Variants in SELENOI observed in about 807,000 individuals in gnomAD.
SELENOI encodes ethanolaminephosphotransferase 1.
Under a neutral mutation model 50.7 loss-of-function variants are expected in SELENOI, and 24 were observed. The observed-to-expected ratio is 0.47, with a 90% CI of 0.34 to 0.67. The LOEUF (loss-of-function observed/expected upper bound fraction) is 0.67, where lower values mean the gene tolerates loss of function less well. SELENOI is among the 30% of genes least tolerant of loss of function. The pLI, the probability that SELENOI is intolerant of heterozygous loss-of-function variation, is 0.01. For synonymous variants in SELENOI, 155 were observed against 170.2 expected (o/e 0.91, Z 0.70); for missense variants, 352 against 461.4 (o/e 0.76, Z 2.17).
intron 4 of SELENOI, among the ~76,000 whole-genome samples, chr2:26,372,573 G>A (rs1244940837): frequency 1.3e-5 from 2 of 152,170 alleles, no homozygotes; most frequent in African/African-American, 4.8e-5. Flanking sequence ...AATTATGGAG[G>A]CAGTAGGTCT....
Position 26,395,858 on chromosome 2 carries a change from TAA to T in SELENOI, c.*6758_*6759del, listed in dbSNP as rs905278734. 6.5e-6 allele frequency: 1 copy of T among 152,676 alleles called. No individual in the cohort carries two copies. The allele number at this position is 152,676 out of a possible 1,614,324, so 9.5% of individuals were successfully genotyped here. On this transcript the variant is annotated 3_prime_UTR_variant, in exon 10 of 10. Coordinates refer to ENST00000260585, the MANE Select transcript of SELENOI (RefSeq NM_033505.4). ...TGATAATTATTTATTGTAATAAAAG[TAA>T]AAGAGTAATTTTTAAATCCTTTTAA... is the stretch of plus-strand genomic sequence containing the variant.
At chr2:26,353,368 T>C (rs1189033924) in intron 1 of SELENOI, among the ~76,000 whole-genome samples, 1 of 152,192 alleles carries the variant, frequency 6.6e-6, no homozygotes, top group Non-Finnish European at 1.5e-5. Flanking sequence ...GACATTTCTG[T>C]AAAAATTTCA....
intron 5 of SELENOI, among the ~76,000 whole-genome samples, chr2:26,374,134 T>A (rs1677517449): frequency 6.6e-6 from 1 of 152,178 alleles, no homozygotes; most frequent in Non-Finnish European, 1.5e-5. Flanking sequence ...AAGCTTCCTT[T>A]AAAAAAACAA....
At chr2:26,366,187 A>C (rs1260689322) in intron 3 of SELENOI, among the ~76,000 whole-genome samples, 1 of 152,212 alleles carries the variant, frequency 6.6e-6, no homozygotes, top group Non-Finnish European at 1.5e-5. Flanking sequence ...GCTTCTGTAC[A>C]TGTAATAAAA....
Position 26,394,508 on chromosome 2 carries a change from GGTTATTTT to G in SELENOI, c.*5409_*5416del, listed in dbSNP as rs1246657180. 6.6e-6 allele frequency: 1 copy of G among 152,108 alleles called. No homozygotes were observed. Among genetic ancestry groups the G allele is most frequent in the Non-Finnish European group, 1.5e-5 (1 of 68,016 alleles). The allele number at this position is 152,108 out of a possible 1,614,324, so 9.4% of individuals were successfully genotyped here. On this transcript the variant is annotated 3_prime_UTR_variant, in exon 10 of 10. Transcript: ENST00000260585. This position sits in a 1 kb window ranked among gnomAD's most constrained non-coding sequence, Gnocchi z 4.1. ...GCTCACAATATTAACTTTTTTTGTA[GGTTATTTT>G]GTTGTTTAGATAACTTGCCTCCCTA...
intron 1 of SELENOI, among the ~76,000 whole-genome samples, chr2:26,347,448 A>C (rs565067658): frequency 6.6e-6 from 1 of 152,094 alleles, no homozygotes; most frequent in African/African-American, 2.4e-5. Flanking sequence ...AAAAAAAAAA[A>C]GCAAGGGTCC....
In SELENOI at chr2:26,359,768, TC is replaced by T. The variant is rs11313251; in HGVS notation, c.58-4533del. Among the ~76,000 whole-genome samples, 704 of 152,324 alleles carry T rather than the reference TC, an allele frequency of 4.6e-3. 3 individuals carry two copies. Among genetic ancestry groups the T allele is most frequent in the African/African-American group, 0.016 (667 of 41,570 alleles). ...TGTTTTAACTTTGAATTGGGTTGCT[TC>T]TGGAAGTAATGAGTTGGTGAGTTTT... On this transcript the variant is annotated intron_variant, in intron 1 of 9. Coordinates refer to ENST00000260585, the MANE Select transcript of SELENOI (RefSeq NM_033505.4).
chr2:26,371,968 C>T (rs1255664351), intron 4 of SELENOI, among the ~76,000 whole-genome samples: 3 of 152,064 alleles, frequency 2.0e-5, no homozygotes, highest in Non-Finnish European at 4.4e-5. Context: ...AGCTGAAATC[C>T]AACTCATTCT....
At position 26,366,708 on chromosome 2, in the gene SELENOI, T is replaced by C. The variant is rs555503500; in HGVS notation, c.236-438T>C. ...CAAATCATTCAGTTGAGGTGATCTA[T>C]CTATACCCAAATCAAAAGGTCTTTT... On this transcript the variant is annotated intron_variant, in intron 3 of 9. Transcript: ENST00000260585. 2.2e-4 allele frequency among the ~76,000 whole-genome samples: 34 copies of C among 152,336 alleles called. No individual in the cohort carries two copies. The South Asian group carries it at 7.0e-3, about 32-fold the overall frequency.
At chr2:26,374,272 C>T (rs1045534353) in intron 5 of SELENOI, among the ~76,000 whole-genome samples, 10 of 152,110 alleles carry the variant, frequency 6.6e-5, no homozygotes, top group Non-Finnish European at 1.3e-4. Context: ...GTGTTCATTG[C>T]CACCTTTTCA....
intron 1 of SELENOI, among the ~76,000 whole-genome samples, chr2:26,360,158 C>T (rs1288301484): frequency 6.6e-6 from 1 of 152,164 alleles, no homozygotes; most frequent in East Asian, 1.9e-4. Flanking sequence ...TAAAAGTCTG[C>T]ATTTTATCTT....
At chr2:26,383,196 C>T (rs368995645) in intron 6 of SELENOI, 103 bp from the exon 7 acceptor site, 14 of 669,592 alleles carry the variant, frequency 2.1e-5, no homozygotes, top group South Asian at 1.7e-4. Context: ...TAAACTTGAA[C>T]CTGAAATTTT....
chr2:26,386,193 G>C (rs567767066), intron 8 of SELENOI, among the ~76,000 whole-genome samples, 161 bp from the exon 9 acceptor site: 76 of 152,340 alleles, frequency 5.0e-4, no homozygotes, highest in Non-Finnish European at 9.6e-4. Context: ...CAGGGGTCCA[G>C]TTGGGCCCCT....
At chr2:26,351,568 G>C (rs1211909037) in intron 1 of SELENOI, among the ~76,000 whole-genome samples, 1 of 152,232 alleles carries the variant, frequency 6.6e-6, no homozygotes, top group East Asian at 1.9e-4. Context: ...GAGCAATGGA[G>C]TGTAAAGTGA....
rs763103731 is a variant in SELENOI at position 26,346,153 on chromosome 2, C to T, written c.-80C>T. The T allele has an allele frequency of 3.7e-6, 6 of 1,607,966 alleles. No homozygotes were observed. Among genetic ancestry groups the T allele is most frequent in the East Asian group, 2.2e-5 (1 of 44,662 alleles). On this transcript the variant is annotated 5_prime_UTR_variant, in exon 1 of 10. Coordinates refer to ENST00000260585, the MANE Select transcript of SELENOI (RefSeq NM_033505.4). ...GGCAGCCCAGTCTTTGCCATCCTTG[C>T]CCAGCCGGTGTGGTGCTTGTGTGTC...
chr2:26,354,581 C>T (rs918770678), intron 1 of SELENOI, among the ~76,000 whole-genome samples: 4 of 151,276 alleles, frequency 2.6e-5, no homozygotes, highest in Non-Finnish European at 2.9e-5. Context: ...TTAGTAGAGA[C>T]GGGGTTTCAC....
At chr2:26,359,977 A>G (rs948724910) in intron 1 of SELENOI, among the ~76,000 whole-genome samples, 2 of 152,170 alleles carry the variant, frequency 1.3e-5, no homozygotes, top group Non-Finnish European at 2.9e-5. Context: ...AGCAGTTTTG[A>G]GGGCTCTAGC....
Position 26,393,042 on chromosome 2 carries a change from C to T in SELENOI, c.*3939C>T, listed in dbSNP as rs1678005489. ...ATCTCTGAAACTTGAACGTATGATG[C>T]TCTGGACATTTTAGGAAGCTTAAGT... On this transcript the variant is annotated 3_prime_UTR_variant, in exon 10 of 10. Coordinates refer to ENST00000260585, the MANE Select transcript of SELENOI (RefSeq NM_033505.4). The T allele has an allele frequency of 6.6e-6, 1 of 152,618 alleles. No individual in the cohort carries two copies. The highest frequency in any genetic ancestry group is 6.5e-5 in the Admixed American group (1 of 15,282). The allele number at this position is 152,618 out of a possible 1,614,324, so 9.5% of individuals were successfully genotyped here.
At chr2:26,370,771 C>T (rs536394893) in intron 4 of SELENOI, among the ~76,000 whole-genome samples, 5 of 126,848 alleles carry the variant, frequency 3.9e-5, no homozygotes, top group East Asian at 2.6e-4. Context: ...CCGGACGGGG[C>T]GGCTGGCCGG....
Sources: gnomAD v4.1 joint callset for allele counts (sites outside exome capture counted in the v4.1 genomes callset) on GRCh38, gnomAD v4.1.1 for gene constraint, Gnocchi (gnomAD v3.1) non-coding constraint, MANE v1.5 for transcripts, NCBI Gene and HGNC (gene_info 2026-07-23, HGNC 2026-07-21) for gene names.